The following HMCN1 variants were observed in gnomAD, a reference collection of about 807,000 sequenced individuals.
HMCN1 encodes the protein hemicentin-1.
In HMCN1, 321 loss-of-function variants were observed where a neutral mutation model predicts 625.9. The ratio of observed to expected loss-of-function variants is 0.51; its 90% CI spans 0.47 to 0.56. The LOEUF is 0.56. HMCN1 is among the 20% of genes least tolerant of loss of function. The probability of loss-of-function intolerance (pLI) is 0.00; values close to 1 mark genes in which losing one functional copy is unlikely to be tolerated. For synonymous variants in HMCN1, 2,425 were observed against 2,417.6 expected (o/e 1.00, Z -0.09); for missense variants, 6,588 against 6,887.3 (o/e 0.96, Z 1.54).
intron 68 of HMCN1, among the ~76,000 whole-genome samples, chr1:186,102,151 A>G (rs923985137): frequency 1.3e-5 from 2 of 152,266 alleles, no homozygotes; most frequent in South Asian, 2.1e-4. Context: ...TCCAGTAAGC[A>G]ACATGGAGCC....
At chr1:185,835,991 C>T (rs752587162) in intron 1 of HMCN1, among the ~76,000 whole-genome samples, 12 of 152,104 alleles carry the variant, frequency 7.9e-5, no homozygotes, top group Middle Eastern at 3.4e-3. Flanking sequence ...TTAAAAGAGA[C>T]GAAAGCTTGA....
At chr1:185,825,524 A>G (rs888639574) in intron 1 of HMCN1, among the ~76,000 whole-genome samples, 3 of 152,216 alleles carry the variant, frequency 2.0e-5, no homozygotes, top group African/African-American at 4.8e-5. Flanking sequence ...CAAAAAGTAC[A>G]TGAAATAATG....
At chr1:185,790,490 G>A (rs531373886) in intron 1 of HMCN1, among the ~76,000 whole-genome samples, 3 of 152,330 alleles carry the variant, frequency 2.0e-5, no homozygotes, top group African/African-American at 7.2e-5. Context: ...GACAGATGCA[G>A]TTGTGACTCT....
chr1:185,774,154 A>G (rs1656437370), intron 1 of HMCN1, among the ~76,000 whole-genome samples: 1 of 152,164 alleles, frequency 6.6e-6, no homozygotes, highest in South Asian at 2.1e-4. Context: ...AGAAAGTCTA[A>G]TGAAAAATAA....
At position 186,065,377 on chromosome 1, in the gene HMCN1, G is replaced by A. The variant is rs1316919421; in HGVS notation, c.7653G>A (p.Leu2551=). Residue 2551 remains leucine (L), a synonymous_variant, in exon 49 of 107, where the codon TTG becomes TTA. Transcript: ENST00000271588. ...QVPHTGRYTC[L]ASSPAGHKSR... ...CACACACTGGAAGATATACATGTTT[G>A]GCTTCCAGTCCAGCTGGCCACAAGA... 6.2e-7 allele frequency: 1 copy of A among 1,611,076 alleles called. No individual in the cohort carries two copies. Among genetic ancestry groups the A allele is most frequent in the Admixed American group, 1.7e-5 (1 of 59,960 alleles).
intron 1 of HMCN1, among the ~76,000 whole-genome samples, chr1:185,792,004 C>T (rs1343457171): frequency 6.6e-6 from 1 of 152,126 alleles, no homozygotes; most frequent in African/African-American, 2.4e-5. Flanking sequence ...TGCCTACTAT[C>T]TTCCAAGCAA....
intron 1 of HMCN1, among the ~76,000 whole-genome samples, chr1:185,800,331 A>G (rs1271626593): frequency 6.6e-6 from 1 of 152,006 alleles, no homozygotes; most frequent in Non-Finnish European, 1.5e-5. Flanking sequence ...AAGTGTGAAT[A>G]TCTACTTACA....
chr1:186,155,354 T>C (rs1210087518), intron 97 of HMCN1, among the ~76,000 whole-genome samples: 1 of 152,116 alleles, frequency 6.6e-6, no homozygotes, highest in Admixed American at 6.6e-5. Flanking sequence ...CCTTTTACTA[T>C]TGCCATGCAT....
chr1:186,153,479 G>C (rs531669725), intron 96 of HMCN1, among the ~76,000 whole-genome samples: 3 of 152,198 alleles, frequency 2.0e-5, no homozygotes, highest in Non-Finnish European at 4.4e-5. Flanking sequence ...CCAATGTAAT[G>C]ATGAGAAAGT....
chr1:185,933,194 T>G (rs369658635), intron 10 of HMCN1, among the ~76,000 whole-genome samples: 19 of 152,298 alleles, frequency 1.2e-4, no homozygotes, highest in African/African-American at 4.6e-4. Flanking sequence ...TACATATTTT[T>G]AAAATCTAAA....
chr1:185,892,987 G>T (rs1424826557), intron 4 of HMCN1, among the ~76,000 whole-genome samples: 1 of 152,180 alleles, frequency 6.6e-6, no homozygotes, highest in African/African-American at 2.4e-5. Context: ...GACCCTCCAA[G>T]CCAGGTGCGG....
intron 63 of HMCN1, 99 bp downstream of exon 63, chr1:186,088,854 A>G: frequency 8.6e-7 from 1 of 1,164,080 alleles, no homozygotes. Context: ...AATTGATTCA[A>G]CATATCTTTA....
intron 34 of HMCN1, 135 bp from the exon 35 acceptor site, chr1:186,019,406 A>C (rs187411253): frequency 1.4e-6 from 1 of 697,710 alleles, no homozygotes; most frequent in African/African-American, 1.8e-5. Flanking sequence ...CACATGATGA[A>C]AGTATTTCAT....
chr1:186,063,241 A>G (rs1043630466), intron 48 of HMCN1, among the ~76,000 whole-genome samples: 1 of 151,266 alleles, frequency 6.6e-6, no homozygotes, highest in African/African-American at 2.4e-5. Flanking sequence ...GTAGATATTG[A>G]GTCCCACTAT....
At chr1:185,748,034 A>ATTTTT (rs36021341) in intron 1 of HMCN1, among the ~76,000 whole-genome samples, 240 of 118,140 alleles carry the variant, frequency 2.0e-3, no homozygotes, top group African/African-American at 6.6e-3. Context: ...GGTACTTAAA[A>ATTTTT]TTTTTTTTTT....
At chr1:186,039,417 C>T (rs1307809908) in intron 38 of HMCN1, among the ~76,000 whole-genome samples, 1 of 152,000 alleles carries the variant, frequency 6.6e-6, no homozygotes, top group East Asian at 1.9e-4. Flanking sequence ...TGTGCACACA[C>T]ACACACACAC....
At chr1:186,024,212 A>G (rs1654906830) in intron 36 of HMCN1, among the ~76,000 whole-genome samples, 1 of 152,102 alleles carries the variant, frequency 6.6e-6, no homozygotes, top group Non-Finnish European at 1.5e-5. Flanking sequence ...TCTGAATGTA[A>G]CCATTTTGCA....
At chr1:186,066,531 C>A (rs985458038) in intron 49 of HMCN1, among the ~76,000 whole-genome samples, 2 of 152,126 alleles carry the variant, frequency 1.3e-5, no homozygotes, top group African/African-American at 4.8e-5. Context: ...GCCTTGCTTG[C>A]AGCTTCACCG....
At position 186,153,753 on chromosome 1, in the gene HMCN1, T is replaced by G; in HGVS notation, c.15022T>G (p.Tyr5008Asp). ...QSPAEVTVKD[Y>D]TEDYIQTGPG... ...AAATCCACATTGTTCTCCTTAGGAT[T>G]ACACAGAGGACTACATTCAAACAGG... Residue 5008 changes from tyrosine to aspartate, a missense_variant, in exon 97 of 107, where the codon TAC (tyrosine) becomes GAC (aspartate). By Grantham distance (160) the Tyr-to-Asp change is radical (BLOSUM62 -3). Transcript: ENST00000271588. 6.2e-7 allele frequency: 1 copy of G among 1,613,626 alleles called. No individual in the cohort carries two copies. Among genetic ancestry groups the G allele is most frequent in the Non-Finnish European group, 8.5e-7 (1 of 1,179,526 alleles).
Sources: allele counts gnomAD v4.1 joint callset (sites outside exome capture counted in the v4.1 genomes callset), GRCh38; gene constraint gnomAD v4.1.1; transcripts MANE v1.5; gene names NCBI Gene and HGNC (gene_info 2026-07-23, HGNC 2026-07-21).